The following ZDHHC24 variants were observed in gnomAD, a reference collection of about 807,000 sequenced individuals.
The protein encoded by ZDHHC24 is zDHHC palmitoyltransferase 24.
Under a neutral mutation model 23.2 loss-of-function variants are expected in ZDHHC24, and 17 were observed. The ratio of observed to expected loss-of-function variants is 0.73; its 90% confidence interval spans 0.50 to 1.10. ZDHHC24 has a LOEUF of 1.10. ZDHHC24 is among the 50% of genes least tolerant of loss of function. The pLI, the probability that ZDHHC24 is intolerant of heterozygous loss-of-function variation, is 0.00. For missense variants in ZDHHC24, 366 were observed against 393.0 expected (o/e 0.93, Z 0.58); for synonymous variants, 186 against 194.5 (o/e 0.96, Z 0.36).
At chr11:66,531,677 C>A, downstream of ZDHHC24, 2 of 1,614,132 alleles carry the variant, frequency 1.2e-6, no homozygotes, top group Middle Eastern at 3.3e-4. Context: ...GGTGCCAGGG[C>A]TCAACTACCC....
At chr11:66,522,370 C>T (rs1409729397) in intron 4 of ZDHHC24, among the ~76,000 whole-genome samples, 1 of 148,766 alleles carries the variant, frequency 6.7e-6, no homozygotes, top group African/African-American at 2.5e-5. Flanking sequence ...GACAGAGTCA[C>T]AGAGTCTCAC....
chr11:66,542,918 C>T (rs1285767203), intron 2 of ZDHHC24: 2 of 152,390 alleles, frequency 1.3e-5, no homozygotes, highest in South Asian at 2.1e-4. Flanking sequence ...CCGAGGCCTC[C>T]CCTGGGCTGT....
chr11:66,529,781 C>G (rs367768479), intron 2 of ZDHHC24: 3 of 1,607,588 alleles, frequency 1.9e-6, no homozygotes, highest in Non-Finnish European at 2.5e-6. Flanking sequence ...CTGCCACCCC[C>G]CACCTCCACC....
intron 4 of ZDHHC24, chr11:66,524,150 C>T (rs192735449): frequency 3.6e-4 from 163 of 456,476 alleles, no homozygotes; most frequent in Middle Eastern, 2.0e-3. Context: ...CATGGTGGTG[C>T]GTACCTGTAA....
intron 4 of ZDHHC24, chr11:66,521,649 T>TA (rs1856222477): frequency 2.3e-6 from 1 of 432,090 alleles, no homozygotes; most frequent in Admixed American, 3.5e-5. Context: ...CTCACGCCTG[T>TA]AATCCCAGCA....
intron 3 of ZDHHC24, chr11:66,527,109 G>T: frequency 8.1e-7 from 1 of 1,234,220 alleles, no homozygotes; most frequent in Non-Finnish European, 1.1e-6. Flanking sequence ...GGGCATGGTG[G>T]CTCACGCCTG....
At position 66,545,991 on chromosome 11, in the gene ZDHHC24, A is replaced by G; in HGVS notation, c.13T>C (p.Trp5Arg). Reference sequence around the variant, plus strand: ...GCCCCGTCCGTGCTCCCAGCCGCCCAGGGCTGCCCCATGGCCTGGACACCC... The same window carrying G: ...GCCCCGTCCGTGCTCCCAGCCGCCCGGGGCTGCCCCATGGCCTGGACACCC... MGQPWAAGSTDGAPA... is the reference protein window; with the variant it reads MGQPRAAGSTDGAPA... The change falls in exon 1 of 3, where the codon TGG (tryptophan) becomes CGG (arginine). Residue 5 changes from tryptophan to arginine, a missense_variant. Trp to Arg is a moderately radical substitution (Grantham distance 101, BLOSUM62 -3). Coordinates refer to ENST00000310442, the MANE Select transcript of ZDHHC24 (RefSeq NM_207340.3). The surrounding 1 kb of genome is among the most constrained non-coding windows in gnomAD (Gnocchi z 4.5). 2.8e-6 allele frequency: 4 copies of G among 1,406,004 alleles called. No homozygotes were observed. The highest frequency in any genetic ancestry group is 3.7e-6 in the Non-Finnish European group (4 of 1,093,098). 87.1% of individuals were successfully genotyped at this position (1,406,004 alleles called of 1,614,324 possible).
At chr11:66,531,209 C>T (rs370523010), downstream of ZDHHC24, among the ~76,000 whole-genome samples, 20 of 152,268 alleles carry the variant, frequency 1.3e-4, no homozygotes, top group East Asian at 3.9e-3. Context: ...TGGAGGGAGC[C>T]CCAAGCCCTG....
chr11:66,521,346 G>A, exon 5 of ZDHHC24: 1 of 1,614,230 alleles, frequency 6.2e-7, no homozygotes, highest in African/African-American at 1.3e-5. Flanking sequence ...GCCGCGGCCT[G>A]CCGCAATGGA....
At chr11:66,543,170 A>C (rs1256586821) in intron 2 of ZDHHC24, among the ~76,000 whole-genome samples, 1 of 152,136 alleles carries the variant, frequency 6.6e-6, no homozygotes, top group African/African-American at 2.4e-5. Flanking sequence ...TGTCGTCTAG[A>C]ACATGGCATC....
downstream of ZDHHC24, chr11:66,532,613 A>ATGATACGGCG: frequency 6.4e-6 from 1 of 155,196 alleles, no homozygotes; most frequent in Non-Finnish European, 1.4e-5. Context: ...CTCCCCAGGA[A>ATGATACGGCG]ACTTCTCTGA....
chr11:66,532,407 C>T (rs1450324405), downstream of ZDHHC24: 2 of 231,058 alleles, frequency 8.7e-6, no homozygotes, highest in African/African-American at 2.2e-5. Context: ...GCACATCACT[C>T]ATCTCCTGCT....
intron 2 of ZDHHC24, chr11:66,529,702 C>T (rs982459280): frequency 2.2e-6 from 3 of 1,333,946 alleles, no homozygotes; most frequent in Non-Finnish European, 3.2e-6. Flanking sequence ...CAGACTCCTC[C>T]TGCAGCACCC....
chr11:66,529,986 G>A, intron 2 of ZDHHC24: 1 of 1,581,736 alleles, frequency 6.3e-7, no homozygotes, highest in East Asian at 2.3e-5. Flanking sequence ...GTCAGGGCCA[G>A]AGGGGCAGAG....
rs746202759 is a variant in ZDHHC24 at position 66,545,753 on chromosome 11, AGCATCACGCCAC to A, written c.239_250del (p.Arg80_Met83del). 6.3e-7 allele frequency: 1 copy of A among 1,586,700 alleles called. No homozygotes were observed. Among genetic ancestry groups the A allele is most frequent in the Admixed American group, 1.7e-5 (1 of 58,038 alleles). On this transcript the variant is annotated inframe_deletion, in exon 1 of 3. Coordinates refer to ENST00000310442, the MANE Select transcript of ZDHHC24 (RefSeq NM_207340.3). The surrounding 1 kb of genome is among the most constrained non-coding windows in gnomAD (Gnocchi z 4.5). ...GCCCTGGCCCAGACCGCGGCCGGCC[AGCATCACGCCAC>A]GGATGCTGGGATCCGAGCGCAGGAA...
chr11:66,523,962 G>A (rs1856369431), intron 4 of ZDHHC24: 9 of 1,575,364 alleles, frequency 5.7e-6, no homozygotes, highest in Non-Finnish European at 7.8e-6. Context: ...TGCCTCTTCC[G>A]ACCACACATT....
intron 4 of ZDHHC24, chr11:66,526,737 G>A (rs1856520800): frequency 6.2e-7 from 1 of 1,614,108 alleles, no homozygotes; most frequent in Non-Finnish European, 8.5e-7. Context: ...CCCAGGCCAT[G>A]AAACTCAATG....
At chr11:66,526,782 A>T in intron 4 of ZDHHC24, 2 of 1,614,232 alleles carry the variant, frequency 1.2e-6, no homozygotes, top group Non-Finnish European at 1.7e-6. Context: ...TGGATCAGAC[A>T]CTGCGAGAGC....
Position 66,539,717 on chromosome 11 carries a change from G to A in ZDHHC24, c.667C>T (p.Arg223Trp), listed in dbSNP as rs377761626. 1.7e-5 allele frequency: 28 copies of A among 1,612,406 alleles called. No homozygotes were observed. The East Asian group carries it at 3.1e-4, about 18-fold the overall frequency. ...GLLFHGMLLL[R>W]GQTTWEWARG... ...GCCCACTCCCATGTGGTCTGGCCCC[G>A]CAGCAGCAGCATCCCATGGAAGAGC... is the stretch of plus-strand genomic sequence containing the variant. The change falls in exon 3 of 3, where the codon CGG becomes TGG. Residue 223 changes from arginine to tryptophan, a missense_variant. Physicochemically the swap from Arg to Trp is moderately radical, Grantham distance 101. Coordinates refer to ENST00000310442, the MANE Select transcript of ZDHHC24 (RefSeq NM_207340.3).
Sources: gnomAD v4.1 joint callset for allele counts (sites outside exome capture counted in the v4.1 genomes callset) on GRCh38, gnomAD v4.1.1 for gene constraint, Gnocchi (gnomAD v3.1) non-coding constraint, MANE v1.5 for transcripts, NCBI Gene and HGNC (gene_info 2026-07-23, HGNC 2026-07-21) for gene names.